Variants in PDE4A observed in about 807,000 individuals in gnomAD.
PDE4A encodes the protein phosphodiesterase 4A.
Under a neutral mutation model 73.9 loss-of-function variants are expected in PDE4A, and 21 were observed. The observed-to-expected ratio is 0.28, with a 90% CI of 0.20 to 0.41. The LOEUF (loss-of-function observed/expected upper bound fraction) is 0.41, where lower values mean the gene tolerates loss of function less well. Ranked by LOEUF, PDE4A falls within the 10% of genes least tolerant of loss-of-function variation. PDE4A has a pLI of 1.00. For missense variants in PDE4A, 958 were observed against 1,211.4 expected (o/e 0.79, Z 3.10); for synonymous variants, 463 against 505.4 (o/e 0.92, Z 1.13).
chr19:10,430,965 C>T (rs200946034), intron 1 of PDE4A: 15 of 1,542,124 alleles, frequency 9.7e-6, no homozygotes, highest in Non-Finnish European at 1.3e-5. Flanking sequence ...CGCGCCCCGC[C>T]GCCCGCGTTC....
At chr19:10,440,320 G>A (rs1227272743) in intron 1 of PDE4A, among the ~76,000 whole-genome samples, 1 of 151,816 alleles carries the variant, frequency 6.6e-6, no homozygotes, top group Non-Finnish European at 1.5e-5. Flanking sequence ...TCCCTGATGA[G>A]TGATGTTAAG....
chr19:10,452,616 G>GT, intron 6 of PDE4A, among the ~76,000 whole-genome samples: 1 of 150,384 alleles, frequency 6.6e-6, no homozygotes, highest in Non-Finnish European at 1.5e-5. Flanking sequence ...GTCTCCGGGT[G>GT]TGTGTGTGTG....
chr19:10,462,282 G>A (rs2043286481), intron 13 of PDE4A, among the ~76,000 whole-genome samples: 2 of 151,562 alleles, frequency 1.3e-5, no homozygotes. Context: ...AGCCTGCCGA[G>A]TAGCTGGGAT....
chr19:10,417,594 C>T, upstream of PDE4A: 10 of 1,510,204 alleles, frequency 6.6e-6, no homozygotes, highest in South Asian at 2.5e-5. Context: ...TAGGGGTGTT[C>T]TTGGGGAGAG....
chr19:10,458,183 C>T lies in PDE4A; in HGVS notation c.1101+81C>T. The stretch of plus-strand genomic sequence containing the variant: ...AGAAGGACTGGGCATTGGGTTATGT[C>T]TTAGGCCAGGTTTCCCAGAAGCAGA... On this transcript the variant is annotated intron_variant, in intron 8 of 14. Transcript: ENST00000380702. This position sits in a 1 kb window ranked among gnomAD's most constrained non-coding sequence, Gnocchi z 4.6. The T allele has an allele frequency of 1.2e-5, 16 of 1,350,282 alleles. No homozygotes were observed. Among genetic ancestry groups the T allele is most frequent in the Non-Finnish European group, 1.7e-5 (16 of 962,814 alleles). The allele number at this position is 1,350,282 out of a possible 1,614,324, so 83.6% of individuals were successfully genotyped here. A position where few individuals can be genotyped will look rare whatever the true frequency, so the allele number is the denominator to read the frequency against.
At chr19:10,466,727 C>G (rs1290659930) in intron 14 of PDE4A, 160 bp from the exon 15 acceptor site, 1 of 645,174 alleles carries the variant, frequency 1.5e-6, no homozygotes, top group Non-Finnish European at 1.9e-6. Context: ...CTCCTGACCT[C>G]AAATGATCCG....
chr19:10,461,247 AGGCGGGGCTGGG>A lies in PDE4A; in HGVS notation c.1465+156_1465+167del, dbSNP rs1376818062. The A allele has an allele frequency of 5.9e-5, 7 of 118,318 alleles. No individual in the cohort carries two copies. The South Asian group carries it at 6.6e-4, about 11-fold the overall frequency. The allele number at this position is 118,318 out of a possible 1,614,324, so 7.3% of individuals were successfully genotyped here. On this transcript the variant is annotated intron_variant, in intron 11 of 14. Coordinates refer to ENST00000380702, the MANE Select transcript of PDE4A (RefSeq NM_001111307.2). Reference sequence around the variant, plus strand: ...CCTGGAAAGGGGATGGCCGGGCAGGAGGCGGGGCTGGGGGCGGGGCTGGCTGGGCTGGAAAGG... The same window carrying A: ...CCTGGAAAGGGGATGGCCGGGCAGGAGGCGGGGCTGGCTGGGCTGGAAAGG...
intron 1 of PDE4A, among the ~76,000 whole-genome samples, chr19:10,438,544 A>G (rs1045077866): frequency 6.6e-6 from 1 of 152,004 alleles, no homozygotes; most frequent in African/African-American, 2.4e-5. Context: ...ATATAAGTGG[A>G]ATTTCCTGTG....
At chr19:10,446,454 C>A in intron 2 of PDE4A, 45 bp downstream of exon 2, 2 of 1,575,402 alleles carry the variant, frequency 1.3e-6, no homozygotes, top group Non-Finnish European at 1.7e-6. Context: ...AGGCCTGGTC[C>A]TGCTGGAAGC....
At chr19:10,443,054 C>T (rs1361068325) in intron 1 of PDE4A, among the ~76,000 whole-genome samples, 1 of 151,934 alleles carries the variant, frequency 6.6e-6, no homozygotes, top group Non-Finnish European at 1.5e-5. Context: ...TGGCACGTGC[C>T]TATAGTCCCA....
chr19:10,467,092 T>C lies in PDE4A; in HGVS notation c.2132T>C (p.Leu711Pro). The C allele has an allele frequency of 6.2e-7, 1 of 1,614,134 alleles. No individual in the cohort carries two copies. The highest frequency in any genetic ancestry group is 1.1e-5 in the South Asian group (1 of 91,088). The stretch of plus-strand genomic sequence containing the variant: ...CTGCCTGACAAGTTCCAGTTTGAGC[T>C]GACGCTGGAGGAGGAAGAGGAGGAA... ...PPLPDKFQFE[L>P]TLEEEEEEEI... Residue 711 changes from leucine to proline, a missense_variant, in exon 15 of 15, where the codon CTG becomes CCG. Around this residue, in one of 3 missense-constraint regions of PDE4A, gnomAD observed 243 missense variants for 245.9 expected, o/e 0.99. Transcript: ENST00000380702.
rs1280791502 is a variant in PDE4A, at chr19:10,446,155, T to A, written c.321-63T>A. The stretch of plus-strand genomic sequence containing the variant: ...GAGCCACCGCACCCGGCCTCCTCAT[T>A]CCTCTTGACCTCCCTAATAGCGTTT... On this transcript the variant is annotated intron_variant, in intron 1 of 14. Transcript: ENST00000380702. 4 of 1,516,988 alleles carry A rather than the reference T, an allele frequency of 2.6e-6. No homozygotes were observed. The East Asian group carries it at 1.0e-4, about 38-fold the overall frequency. 94.0% of individuals were successfully genotyped at this position (1,516,988 alleles called of 1,614,324 possible).
Position 10,463,889 on chromosome 19 carries a change from T to C in PDE4A, c.1840T>C (p.Phe614Leu). 1 of 1,614,162 alleles carries C rather than the reference T, an allele frequency of 6.2e-7. No individual in the cohort carries two copies. Among genetic ancestry groups the C allele is most frequent in the Non-Finnish European group, 8.5e-7 (1 of 1,180,026 alleles). The change falls in exon 14 of 15, where the codon TTC becomes CTC. Residue 614 changes from phenylalanine to leucine, a missense_variant. Transcript: ENST00000380702. Reference protein sequence around the residue: ...QWTDRIMAEFFQQGDRERERG... With the variant: ...QWTDRIMAEFLQQGDRERERG... ...GACAGACCGCATCATGGCCGAGTTC[T>C]TCCAGCAGGGTGACCGAGAGCGCGA... is the stretch of plus-strand genomic sequence containing the variant.
upstream of PDE4A, among the ~76,000 whole-genome samples, chr19:10,418,250 G>A (rs150778085): frequency 9.2e-5 from 14 of 152,282 alleles, no homozygotes; most frequent in African/African-American, 3.4e-4. Context: ...GTCTTGGAAG[G>A]GGTCTGGACT....
chr19:10,465,016 C>T (rs1045175671), intron 14 of PDE4A, among the ~76,000 whole-genome samples: 2 of 151,930 alleles, frequency 1.3e-5, no homozygotes, highest in Non-Finnish European at 2.9e-5. Flanking sequence ...CCTGCCTGGC[C>T]CCTCCCCACT....
chr19:10,456,830 G>A (rs900183406), intron 7 of PDE4A, among the ~76,000 whole-genome samples: 1 of 152,148 alleles, frequency 6.6e-6, no homozygotes, highest in Non-Finnish European at 1.5e-5. Flanking sequence ...CCAAACTCAG[G>A]ATAATTTAAT....
intron 1 of PDE4A, chr19:10,428,936 T>A: frequency 1.7e-5 from 16 of 958,146 alleles, no homozygotes; most frequent in Non-Finnish European, 2.0e-5. Flanking sequence ...ACCCCATTTC[T>A]ACTAAAAATA....
rs10404367 is a variant in PDE4A, at chr19:10,457,805, T to C, written c.878-74T>C. ...GGTGAGCCTTCCCCGTACGTGGTAG[T>C]GGGCTGAAGAATAAGGGAGCCTCCA... On this transcript the variant is annotated intron_variant, in intron 7 of 14. Coordinates refer to ENST00000380702, the MANE Select transcript of PDE4A (RefSeq NM_001111307.2). 9,368 of 1,584,028 alleles carry C rather than the reference T, an allele frequency of 5.9e-3. 471 individuals carry two copies. In the African/African-American group the frequency reaches 0.11, roughly 19 times the overall value.
chr19:10,416,864 C>G, upstream of PDE4A: 3 of 1,533,846 alleles, frequency 2.0e-6, no homozygotes, highest in South Asian at 1.2e-5. Context: ...ATGGCAGATG[C>G]GTTTGGCTTG....
Sources: allele counts gnomAD v4.1 joint callset (sites outside exome capture counted in the v4.1 genomes callset), GRCh38; gene constraint gnomAD v4.1.1; regional missense constraint gnomAD v4.1.1; non-coding constraint Gnocchi (gnomAD v3.1); transcripts MANE v1.5; gene names NCBI Gene and HGNC (gene_info 2026-07-23, HGNC 2026-07-21).